Variants in PLA2G7 observed in about 807,000 individuals in gnomAD.
PLA2G7 encodes phospholipase A2 group VII, also known as platelet-activating factor acetylhydrolase.
In PLA2G7, 63 loss-of-function variants were observed where a neutral mutation model predicts 49.6. That is an observed-to-expected ratio of 1.27 (90% CI 1.04 to 1.57). The LOEUF (loss-of-function observed/expected upper bound fraction) is 1.57, where lower values mean the gene tolerates loss of function less well. Ranked by LOEUF, PLA2G7 falls within the 40% of genes most tolerant of loss-of-function variation. The pLI is 0.00. For synonymous variants in PLA2G7, 193 were observed against 169.9 expected (o/e 1.14, Z -1.06); for missense variants, 596 against 521.2 (o/e 1.14, Z -1.40).
rs1467628648 is a variant in PLA2G7, at chr6:46,717,108, G to T, written c.110-12C>A. The T allele has an allele frequency of 6.2e-7, 1 of 1,610,116 alleles. No homozygotes were observed. Among genetic ancestry groups the T allele is most frequent in the East Asian group, 2.2e-5 (1 of 44,852 alleles). Reference sequence around the variant, plus strand: ...TTTGTTGACCCATGCTGAAAAACAGGTAAATATTATCTCATTTGTCATCCA... The same window carrying T: ...TTTGTTGACCCATGCTGAAAAACAGTTAAATATTATCTCATTTGTCATCCA... On this transcript the variant is annotated splice_polypyrimidine_tract_variant and intron_variant, in intron 2 of 11. Coordinates refer to ENST00000274793, the MANE Select transcript of PLA2G7 (RefSeq NM_005084.4).
intron 11 of PLA2G7, 101 bp from the exon 12 acceptor site, chr6:46,704,797 C>T (rs1378203100): frequency 1.3e-6 from 1 of 755,948 alleles, no homozygotes; most frequent in Non-Finnish European, 2.3e-6. Context: ...TACACAAGTT[C>T]CGTTAGGATG....
In PLA2G7 at chr6:46,706,384, C is replaced by T. The variant is rs1441770706; in HGVS notation, c.1041-1083G>A. On this transcript the variant is annotated intron_variant, in intron 10 of 11. Coordinates refer to ENST00000274793, the MANE Select transcript of PLA2G7 (RefSeq NM_005084.4). Reference sequence around the variant, plus strand: ...AGCAGGAATACAAGAGAATTGCGAGCAGAAGCTTGGATGATCTGACTGTAG... The same window carrying T: ...AGCAGGAATACAAGAGAATTGCGAGTAGAAGCTTGGATGATCTGACTGTAG... Among the ~76,000 whole-genome samples the T allele has an allele frequency of 2.6e-5, 4 of 152,164 alleles. No individual in the cohort carries two copies. In the East Asian group the frequency reaches 7.7e-4, roughly 29 times the overall value.
At chr6:46,714,076 C>T (rs1262528486) in intron 5 of PLA2G7, among the ~76,000 whole-genome samples, 3 of 152,196 alleles carry the variant, frequency 2.0e-5, no homozygotes, top group African/African-American at 7.2e-5. Context: ...CCATCTTTTC[C>T]TGCTCCTTCT....
chr6:46,722,583 TG>T (rs1026346331), intron 2 of PLA2G7, among the ~76,000 whole-genome samples, 199 bp downstream of exon 2: 7 of 152,206 alleles, frequency 4.6e-5, no homozygotes, highest in African/African-American at 1.7e-4. Flanking sequence ...GTCCTGATAC[TG>T]AAGAACACAA....
chr6:46,725,643 T>A (rs537750939), intron 1 of PLA2G7, among the ~76,000 whole-genome samples: 54 of 152,338 alleles, frequency 3.5e-4, no homozygotes, highest in Non-Finnish European at 6.5e-4. Context: ...ATAATTTTGG[T>A]TGATTTTATT....
At chr6:46,724,360 C>G (rs528376785) in intron 1 of PLA2G7, among the ~76,000 whole-genome samples, 5 of 152,196 alleles carry the variant, frequency 3.3e-5, no homozygotes, top group African/African-American at 1.2e-4. Flanking sequence ...TGTACAGAGG[C>G]ACTCAGTAAA....
rs1485256503 is a variant in PLA2G7 at position 46,706,528 on chromosome 6, T to TG, written c.1041-1228dup. Among the ~76,000 whole-genome samples, 5 of 152,294 alleles carry TG rather than the reference T, an allele frequency of 3.3e-5. No homozygotes were observed. In the East Asian group the frequency reaches 9.7e-4, roughly 29 times the overall value. ...GGGGTGGTCAGCAATGTTGAACAGA[T>TG]GCAGAGAGCAAGGTTGAGACTCTGA... is the stretch of plus-strand genomic sequence containing the variant. On this transcript the variant is annotated intron_variant, in intron 10 of 11. Coordinates refer to ENST00000274793, the MANE Select transcript of PLA2G7 (RefSeq NM_005084.4).
chr6:46,709,459 G>T, intron 8 of PLA2G7, 41 bp from the exon 9 acceptor site: 1 of 1,079,184 alleles, frequency 9.3e-7, no homozygotes, highest in Non-Finnish European at 1.4e-6. Flanking sequence ...GCTATTTCGT[G>T]GTGTTAGAAG....
chr6:46,717,143 A>C, intron 2 of PLA2G7, 47 bp from the exon 3 acceptor site: 1 of 1,545,940 alleles, frequency 6.5e-7, no homozygotes. Flanking sequence ...ATTACATATC[A>C]GATTTTATTA....
chr6:46,731,034 G>C (rs1369013104), intron 1 of PLA2G7, among the ~76,000 whole-genome samples: 1 of 152,204 alleles, frequency 6.6e-6, no homozygotes, highest in Non-Finnish European at 1.5e-5. Context: ...GTCACGAGCT[G>C]ACATTTCTGC....
chr6:46,720,203 A>G (rs898279281), intron 2 of PLA2G7, among the ~76,000 whole-genome samples: 2 of 152,214 alleles, frequency 1.3e-5, no homozygotes, highest in African/African-American at 4.8e-5. Flanking sequence ...CCCCAGGGCC[A>G]CAGCTGCTGT....
chr6:46,705,072 A>G (rs1322695329), intron 11 of PLA2G7, 81 bp downstream of exon 11: 2 of 1,003,214 alleles, frequency 2.0e-6, no homozygotes, highest in African/African-American at 3.2e-5. Flanking sequence ...AATAGTTTAA[A>G]TAGTACTAAA....
chr6:46,730,612 C>G (rs1261389876), intron 1 of PLA2G7, among the ~76,000 whole-genome samples: 1 of 152,138 alleles, frequency 6.6e-6, no homozygotes, highest in African/African-American at 2.4e-5. Context: ...AAGGCAACTA[C>G]CACTCTATTC....
intron 4 of PLA2G7, among the ~76,000 whole-genome samples, chr6:46,715,407 A>G (rs1214439235): frequency 6.6e-6 from 1 of 152,222 alleles, no homozygotes; most frequent in Admixed American, 6.5e-5. Flanking sequence ...CCTCTTCTGT[A>G]AACTTCAGAA....
chr6:46,710,575 T>C lies in PLA2G7; in HGVS notation c.747A>G (p.Leu249=), dbSNP rs763668365. 2 of 1,610,252 alleles carry C rather than the reference T, an allele frequency of 1.2e-6. No individual in the cohort carries two copies. The highest frequency in any genetic ancestry group is 2.7e-5 in the African/African-American group (2 of 74,862). Residue 249 remains leucine, a synonymous_variant, in exon 8 of 12, where the codon TTA becomes TTG. Coordinates refer to ENST00000274793, the MANE Select transcript of PLA2G7 (RefSeq NM_005084.4). ...IDHGKPVKNA[L]DLKFDMEQLK... is the part of the protein sequence containing the mutation. The stretch of plus-strand genomic sequence containing the variant: ...GTTGTTCCATATCAAACTTTAAATC[T>C]AATGCATTCTTCACTGGCTTTCCAT...
At position 46,704,605 on chromosome 6, in the gene PLA2G7, T is replaced by C. The variant is rs776039960; in HGVS notation, c.1281A>G (p.Gln427=). 3.1e-6 allele frequency: 5 copies of C among 1,592,810 alleles called. No individual in the cohort carries two copies. Among genetic ancestry groups the C allele is most frequent in the Non-Finnish European group, 3.4e-6 (4 of 1,160,650 alleles). The change falls in exon 12 of 12, where the codon CAA becomes CAG. Residue 427 remains glutamine (Q), a synonymous_variant. Transcript: ENST00000274793. ...IPGTNINTTN[Q]HIMLQNSSGI... is the part of the protein sequence containing the mutation. ...CTGAAGAGTTCTGTAACATGATGTGTTGATTGGTTGTGTTAATGTTGGTCC... is the reference window on the plus strand; with the variant it reads ...CTGAAGAGTTCTGTAACATGATGTGCTGATTGGTTGTGTTAATGTTGGTCC...
At chr6:46,712,818 G>C (rs1157676577) in intron 5 of PLA2G7, among the ~76,000 whole-genome samples, 1 of 152,150 alleles carries the variant, frequency 6.6e-6, no homozygotes, top group Non-Finnish European at 1.5e-5. Flanking sequence ...ATTTGTTTTA[G>C]GGTAGTTGTA....
At chr6:46,707,658 A>G (rs753406844) in intron 10 of PLA2G7, among the ~76,000 whole-genome samples, 7 of 152,194 alleles carry the variant, frequency 4.6e-5, no homozygotes, top group Non-Finnish European at 7.3e-5. Flanking sequence ...CCAGAAGCCG[A>G]GCAGATGCCA....
At position 46,714,393 on chromosome 6, in the gene PLA2G7, C is replaced by A. The variant is rs1765128559; in HGVS notation, c.470+67G>T. 3 of 965,038 alleles carry A rather than the reference C, an allele frequency of 3.1e-6. No homozygotes were observed. In the South Asian group the frequency reaches 3.8e-5, roughly 12 times the overall value. The allele number at this position is 965,038 out of a possible 1,614,324, so 59.8% of individuals were successfully genotyped here. ...CATGACATTCCAAACTCTGCTATTT[C>A]TTTCTTGAATAAAAAAATTGTCATT... On this transcript the variant is annotated intron_variant, in intron 5 of 11. Transcript: ENST00000274793.
Sources: gnomAD v4.1 joint callset for allele counts (sites outside exome capture counted in the v4.1 genomes callset) on GRCh38, gnomAD v4.1.1 for gene constraint, MANE v1.5 for transcripts, NCBI Gene and HGNC (gene_info 2026-07-23, HGNC 2026-07-21) for gene names.